TOMM34: variants seen among roughly 807,000 people sequenced by gnomAD.
The protein encoded by TOMM34 is translocase of outer mitochondrial membrane 34, also known as mitochondrial import receptor subunit TOM34.
A neutral mutation model predicts 37.4 loss-of-function variants in TOMM34; 24 were observed. The observed-to-expected ratio is 0.64, with a 90% CI of 0.46 to 0.90. TOMM34 has a LOEUF of 0.90. Ranked by LOEUF, TOMM34 falls within the 40% of genes least tolerant of loss-of-function variation. The probability of loss-of-function intolerance (pLI) is 0.00; values close to 1 mark genes in which losing one functional copy is unlikely to be tolerated. For missense variants in TOMM34, 304 were observed against 375.6 expected, an observed-to-expected ratio of 0.81 and a Z score of 1.58; for synonymous variants, 154 against 148.9, an observed-to-expected ratio of 1.03 and a Z score of -0.25.
chr20:44,960,325 G>C lies in TOMM34; in HGVS notation c.9C>G (p.Pro3=). The C allele has an allele frequency of 1.3e-6, 2 of 1,577,446 alleles. No individual in the cohort carries two copies. Among genetic ancestry groups the C allele is most frequent in the Non-Finnish European group, 1.7e-6 (2 of 1,162,640 alleles). Residue 3 remains proline (P), a synonymous_variant, in exon 1 of 7, where the codon CCC becomes CCG. Coordinates refer to ENST00000372813, the MANE Select transcript of TOMM34 (RefSeq NM_006809.5). MA[P]KFPDSVEELR... ...GCTCCTCCACAGAGTCTGGGAATTT[G>C]GGGGCCATCCCGTGGCCAGGCCGGC... is the stretch of plus-strand genomic sequence containing the variant.
chr20:44,957,683 C>T (rs561742686), intron 1 of TOMM34, among the ~76,000 whole-genome samples: 2 of 152,226 alleles, frequency 1.3e-5, no homozygotes, highest in Non-Finnish European at 2.9e-5. Flanking sequence ...CCCTCTGTTG[C>T]CCAGGCTGAA....
chr20:44,948,943 C>T (rs1028615786), intron 4 of TOMM34, 66 bp from the exon 5 acceptor site: 1 of 1,566,118 alleles, frequency 6.4e-7, no homozygotes, highest in Non-Finnish European at 8.6e-7. Context: ...AGTGAGGTCT[C>T]TTCAGCATCG....
At chr20:44,943,652 G>C in intron 5 of TOMM34, 73 bp from the exon 6 acceptor site, 1 of 1,600,218 alleles carries the variant, frequency 6.2e-7, no homozygotes, top group Non-Finnish European at 8.5e-7. Context: ...AGTAGTTTGA[G>C]AAGTGATCTC....
At chr20:44,945,985 G>T (rs2066977789) in intron 5 of TOMM34, among the ~76,000 whole-genome samples, 1 of 152,054 alleles carries the variant, frequency 6.6e-6, no homozygotes, top group African/African-American at 2.4e-5. Context: ...AGCCTCCCGA[G>T]TAGCTGGGAT....
intron 1 of TOMM34, 91 bp from the exon 2 acceptor site, chr20:44,956,576 T>C: frequency 1.6e-6 from 2 of 1,239,860 alleles, no homozygotes; most frequent in South Asian, 1.2e-5. Context: ...TCTTTGGGCC[T>C]TGTGTTAAGG....
In TOMM34 at chr20:44,960,207, CT is replaced by C; in HGVS notation, c.126del (p.Gly43ValfsTer20). The C allele has an allele frequency of 6.4e-7, 1 of 1,558,126 alleles. No homozygotes were observed. Among genetic ancestry groups the C allele is most frequent in the Non-Finnish European group, 8.7e-7 (1 of 1,152,236 alleles). On this transcript the variant is annotated frameshift_variant and splice_region_variant, in exon 1 of 7. Coordinates refer to ENST00000372813, the MANE Select transcript of TOMM34 (RefSeq NM_006809.5). LOFTEE classifies it high-confidence loss of function. ...GGTGAGATGGGGGCCGGGGTCGTAC[CT>C]TGCGCCTGCAGCACCCGCAGCGCGC... is the stretch of plus-strand genomic sequence containing the variant. The part of the protein sequence containing the change: ...YGRALRVLQA[Q>X]GSSDPEEESV...
At chr20:44,945,459 G>C (rs975794476) in intron 5 of TOMM34, among the ~76,000 whole-genome samples, 1 of 152,200 alleles carries the variant, frequency 6.6e-6, no homozygotes, top group East Asian at 1.9e-4. Context: ...GGTCATAATA[G>C]GCCTTGCAGC....
At position 44,943,446 on chromosome 20, in the gene TOMM34, T is replaced by G; in HGVS notation, c.825+7A>C. ...GTTGGGACCTTTTGGCCAGGATTTT[T>G]TTTTACCTTGAGTGCTTTGTGGGCT... On this transcript the variant is annotated splice_region_variant and intron_variant, in intron 6 of 6. Transcript: ENST00000372813. 3 of 1,614,158 alleles carry G rather than the reference T, an allele frequency of 1.9e-6. No homozygotes were observed. Among genetic ancestry groups the G allele is most frequent in the Non-Finnish European group, 2.5e-6 (3 of 1,180,012 alleles).
At position 44,960,223 on chromosome 20, in the gene TOMM34, C is replaced by A; in HGVS notation, c.111G>T (p.Arg37=). Residue 37 remains arginine (R), a synonymous_variant, in exon 1 of 7, where the codon CGG becomes CGT. Coordinates refer to ENST00000372813, the MANE Select transcript of TOMM34 (RefSeq NM_006809.5). Reference sequence around the variant, plus strand: ...GGGTCGTACCTTGCGCCTGCAGCACCCGCAGCGCGCGGCCGTAGAGCGCGG... The same window carrying A: ...GGGTCGTACCTTGCGCCTGCAGCACACGCAGCGCGCGGCCGTAGAGCGCGG... ...EASALYGRAL[R]VLQAQGSSDP... 6.4e-7 allele frequency: 1 copy of A among 1,560,538 alleles called. No individual in the cohort carries two copies. Among genetic ancestry groups the A allele is most frequent in the Non-Finnish European group, 8.7e-7 (1 of 1,153,574 alleles).
rs1324359878 is a variant in TOMM34 at position 44,942,888 on chromosome 20, T to TG, written c.*220dup. 5.0e-6 allele frequency: 3 copies of TG among 597,832 alleles called. No individual in the cohort carries two copies. Among genetic ancestry groups the TG allele is most frequent in the Non-Finnish European group, 9.0e-6 (3 of 334,594 alleles). 37.0% of individuals were successfully genotyped at this position (597,832 alleles called of 1,614,324 possible). On this transcript the variant is annotated 3_prime_UTR_variant, in exon 7 of 7. Transcript: ENST00000372813. ...GCTTCAGCTTCACGCTTAGCTCTAG[T>TG]GGGGACCTTTCTGGTGCAACAACCA...
chr20:44,960,076 A>G (rs974678831), intron 1 of TOMM34, 131 bp downstream of exon 1: 2 of 1,335,930 alleles, frequency 1.5e-6, no homozygotes, highest in African/African-American at 1.6e-5. Context: ...TTCTGGTAGG[A>G]TGCCGGAGTC....
At chr20:44,958,144 A>ATGTATATGTATATATATGTGTGTG (rs60792281) in intron 1 of TOMM34, among the ~76,000 whole-genome samples, 19 of 146,978 alleles carry the variant, frequency 1.3e-4, no homozygotes, top group East Asian at 1.2e-3. Flanking sequence ...ATGTATATAT[A>ATGTATATGTATATATATGTGTGTG]TGTGTGTGTG....
chr20:44,957,482 T>A (rs950932721), intron 1 of TOMM34, among the ~76,000 whole-genome samples: 7 of 152,056 alleles, frequency 4.6e-5, no homozygotes, highest in African/African-American at 1.7e-4. Flanking sequence ...CCAACAATGA[T>A]CTTTATTTTT....
chr20:44,945,873 T>C (rs1362484725), intron 5 of TOMM34, among the ~76,000 whole-genome samples: 2 of 152,230 alleles, frequency 1.3e-5, no homozygotes, highest in South Asian at 2.1e-4. Context: ...CTTTTTTTTT[T>C]TGGAGACAGG....
Position 44,956,406 on chromosome 20 carries a change from G to A in TOMM34, c.207C>T (p.Asp69=). 4 of 1,614,186 alleles carry A rather than the reference G, an allele frequency of 2.5e-6. No individual in the cohort carries two copies. Among genetic ancestry groups the A allele is most frequent in the South Asian group, 2.2e-5 (2 of 91,082 alleles). The change falls in exon 2 of 7, where the codon GAC becomes GAT. Residue 69 remains aspartate, a synonymous_variant. Transcript: ENST00000372813. ...ACHLKDGNCR[D]CIKDCTSALA... is the part of the protein sequence containing the mutation. ...CTTACGAAGTGCAATCTTTGATGCAGTCTCTGCAGTTTCCATCCTTCAAGT... is the reference window on the plus strand; with the variant it reads ...CTTACGAAGTGCAATCTTTGATGCAATCTCTGCAGTTTCCATCCTTCAAGT...
intron 2 of TOMM34, 61 bp from the exon 3 acceptor site, chr20:44,955,281 G>C (rs2067062011): frequency 6.3e-7 from 1 of 1,588,484 alleles, no homozygotes; most frequent in African/African-American, 1.3e-5. Context: ...TTTCCCTACA[G>C]TTTCTTCCAG....
chr20:44,955,144 G>C lies in TOMM34; in HGVS notation c.304C>G (p.Pro102Ala). The change falls in exon 3 of 7, where the codon CCT becomes GCT. Residue 102 changes from proline to alanine, a missense_variant. Pro to Ala is a conservative substitution (Grantham distance 27). Transcript: ENST00000372813. ...GTCTTATAGTCAACATAGGCCATAG[G>C]GTACTTCTCCAGAGCCTCATAAGCA... ...ASAYEALEKY[P>A]MAYVDYKTVL... 1 of 1,614,184 alleles carries C rather than the reference G, an allele frequency of 6.2e-7. No homozygotes were observed. Among genetic ancestry groups the C allele is most frequent in the Non-Finnish European group, 8.5e-7 (1 of 1,180,024 alleles).
At chr20:44,953,772 C>T (rs1462877443) in intron 3 of TOMM34, among the ~76,000 whole-genome samples, 2 of 152,154 alleles carry the variant, frequency 1.3e-5, no homozygotes, top group Non-Finnish European at 2.9e-5. Context: ...CCATTGTTTT[C>T]TCTCCACCCT....
At position 44,943,553 on chromosome 20, in the gene TOMM34, T is replaced by C. The variant is rs760749166; in HGVS notation, c.725A>G (p.Gln242Arg). The C allele has an allele frequency of 6.2e-7, 1 of 1,614,252 alleles. No homozygotes were observed. Among genetic ancestry groups the C allele is most frequent in the South Asian group, 1.1e-5 (1 of 91,088 alleles). Reference protein sequence around the residue: ...NRALCYLVLKQYTEAVKDCTE... With the variant: ...NRALCYLVLKRYTEAVKDCTE... Reference sequence around the variant, plus strand: ...GCAGTCCTTCACTGCTTCTGTGTACTGCTTCAGGACCAAATAGCAGAGTGC... The same window carrying C: ...GCAGTCCTTCACTGCTTCTGTGTACCGCTTCAGGACCAAATAGCAGAGTGC... Residue 242 changes from glutamine (Q) to arginine (R), a missense_variant, in exon 6 of 7, where the codon CAG (glutamine) becomes CGG (arginine). Gln to Arg is a conservative substitution (Grantham distance 43). Transcript: ENST00000372813.
Sources: allele counts gnomAD v4.1 joint callset (sites outside exome capture counted in the v4.1 genomes callset), GRCh38; gene constraint gnomAD v4.1.1; transcripts MANE v1.5; gene names NCBI Gene and HGNC (gene_info 2026-07-23, HGNC 2026-07-21).